ARL15: variants seen among roughly 807,000 people sequenced by gnomAD.
The protein encoded by ARL15 is ARF like GTPase 15.
In ARL15, 19 loss-of-function variants were observed where a neutral mutation model predicts 25.2. The observed-to-expected ratio is 0.75, with a 90% CI of 0.53 to 1.10. ARL15 has a LOEUF of 1.10. Among genes scored for constraint, ARL15 ranks in the 50% least tolerant of loss-of-function variants. The probability of loss-of-function intolerance (pLI) is 0.00; values close to 1 mark genes in which losing one functional copy is unlikely to be tolerated. For synonymous variants in ARL15, 94 were observed against 86.8 expected, an observed-to-expected ratio of 1.08 and a Z score of -0.46; for missense variants, 220 against 246.0, an observed-to-expected ratio of 0.89 and a Z score of 0.71.
At chr5:54,196,707 C>G (rs566403475) in intron 1 of ARL15, among the ~76,000 whole-genome samples, 1 of 152,134 alleles carries the variant, frequency 6.6e-6, no homozygotes, top group African/African-American at 2.4e-5. Flanking sequence ...ACATTCAGTG[C>G]TCTTTCTTCA....
chr5:53,899,136 C>T (rs1744971372), intron 4 of ARL15, among the ~76,000 whole-genome samples: 1 of 151,810 alleles, frequency 6.6e-6, no homozygotes, highest in Non-Finnish European at 1.5e-5. Context: ...AGCCTGAGGT[C>T]AGAAGTTTGA....
chr5:54,304,081 G>A (rs1374034455), intron 1 of ARL15, among the ~76,000 whole-genome samples: 1 of 152,184 alleles, frequency 6.6e-6, no homozygotes, highest in Non-Finnish European at 1.5e-5. Context: ...CATAGTAGTG[G>A]TCAAGGACCA....
chr5:54,029,315 C>CACCAACACCACCACCACT, intron 4 of ARL15, among the ~76,000 whole-genome samples: 1 of 115,758 alleles, frequency 8.6e-6, no homozygotes, highest in Non-Finnish European at 1.8e-5. Context: ...TTACCACCAC[C>CACCAACACCACCACCACT]ACCACCACCA....
chr5:54,265,880 G>A (rs752981172), intron 1 of ARL15, among the ~76,000 whole-genome samples: 2 of 152,280 alleles, frequency 1.3e-5, no homozygotes, highest in East Asian at 1.9e-4. Flanking sequence ...TATATATCAG[G>A]TTCCATATTA....
intron 4 of ARL15, among the ~76,000 whole-genome samples, chr5:54,045,876 G>A (rs1319949061): frequency 1.3e-5 from 2 of 152,180 alleles, no homozygotes; most frequent in African/African-American, 4.8e-5. Flanking sequence ...GAATAAAAGA[G>A]TAGTCACCTT....
chr5:54,087,251 C>A lies in ARL15; in HGVS notation c.462+25951G>T, dbSNP rs187364940. Among the ~76,000 whole-genome samples the A allele has an allele frequency of 6.2e-3, 939 of 152,130 alleles. 5 individuals carry two copies. Among genetic ancestry groups the A allele is most frequent in the Non-Finnish European group, 0.011 (721 of 68,004 alleles). ...GCTCAGGCATGAGAATGGTGTGAAT[C>A]CGGGAGGCGGAGCTTGCAGTGAACT... On this transcript the variant is annotated intron_variant, in intron 4 of 4. Transcript: ENST00000504924.
chr5:54,184,818 A>G (rs1755190797), intron 1 of ARL15, among the ~76,000 whole-genome samples: 1 of 152,112 alleles, frequency 6.6e-6, no homozygotes, highest in Admixed American at 6.6e-5. Flanking sequence ...CCTGGATCCC[A>G]GTGCCTTTCT....
intron 4 of ARL15, among the ~76,000 whole-genome samples, chr5:53,987,335 G>A (rs1748330346): frequency 6.6e-6 from 1 of 151,318 alleles, no homozygotes; most frequent in South Asian, 2.1e-4. Context: ...GGTGGGGAGG[G>A]GTGTCTTGTA....
chr5:54,021,569 TACTC>T (rs1346809144), intron 4 of ARL15, among the ~76,000 whole-genome samples: 1 of 152,052 alleles, frequency 6.6e-6, no homozygotes, highest in Non-Finnish European at 1.5e-5. Context: ...CAACAGAAAT[TACTC>T]AATCTGAACA....
intron 1 of ARL15, among the ~76,000 whole-genome samples, chr5:54,270,172 T>A (rs999287591): frequency 6.6e-6 from 1 of 152,198 alleles, no homozygotes; most frequent in Non-Finnish European, 1.5e-5. Context: ...CAGCTGACAA[T>A]TTGAGTATAT....
chr5:54,044,014 A>G (rs2111958296), intron 4 of ARL15, among the ~76,000 whole-genome samples: 1 of 152,118 alleles, frequency 6.6e-6, no homozygotes, highest in East Asian at 1.9e-4. Flanking sequence ...AAACAAACAA[A>G]AAACTCAGAA....
chr5:54,250,681 A>C (rs571519985), intron 1 of ARL15, among the ~76,000 whole-genome samples: 19 of 152,210 alleles, frequency 1.2e-4, no homozygotes, highest in Admixed American at 6.5e-4. Flanking sequence ...ACCAAAAAAA[A>C]CACCAAGAGC....
intron 4 of ARL15, among the ~76,000 whole-genome samples, chr5:53,980,261 A>G (rs1329691576): frequency 2.0e-5 from 3 of 152,224 alleles, no homozygotes; most frequent in Non-Finnish European, 4.4e-5. Context: ...TCATTCTTTT[A>G]AGTAGCATCA....
At chr5:54,271,604 C>CAT (rs1561290564) in intron 1 of ARL15, among the ~76,000 whole-genome samples, 3 of 152,028 alleles carry the variant, frequency 2.0e-5, no homozygotes, top group East Asian at 3.9e-4. Flanking sequence ...ATCTACTGAC[C>CAT]ATATATATAT....
intron 1 of ARL15, among the ~76,000 whole-genome samples, chr5:54,180,331 A>C (rs1328681948): frequency 2.0e-5 from 3 of 152,168 alleles, no homozygotes; most frequent in Non-Finnish European, 2.9e-5. Flanking sequence ...TTCTAGTTGT[A>C]AGAAGAGAAA....
chr5:53,950,439 C>G (rs187206503), intron 4 of ARL15, among the ~76,000 whole-genome samples: 2 of 152,110 alleles, frequency 1.3e-5, no homozygotes, highest in South Asian at 4.1e-4. Context: ...GGACTGGAGA[C>G]AGAGGGGGAA....
At chr5:54,106,111 C>T (rs992706580) in intron 4 of ARL15, among the ~76,000 whole-genome samples, 10 of 152,032 alleles carry the variant, frequency 6.6e-5, no homozygotes, top group East Asian at 3.9e-4. Context: ...AAAAAGTCCA[C>T]AAATAGACAA....
intron 4 of ARL15, among the ~76,000 whole-genome samples, chr5:54,080,039 A>T (rs1212003023): frequency 2.0e-5 from 3 of 151,484 alleles, no homozygotes; most frequent in African/African-American, 4.9e-5. Context: ...ATATTAATTT[A>T]ATCATTTAGT....
chr5:53,928,022 T>C (rs937458838), intron 4 of ARL15, among the ~76,000 whole-genome samples: 2 of 152,330 alleles, frequency 1.3e-5, no homozygotes, highest in Non-Finnish European at 2.9e-5. Flanking sequence ...TTTAGCTCAG[T>C]GCCTGGCAGG....
Sources: allele counts gnomAD v4.1 joint callset (sites outside exome capture counted in the v4.1 genomes callset), GRCh38; gene constraint gnomAD v4.1.1; transcripts MANE v1.5; gene names NCBI Gene and HGNC (gene_info 2026-07-23, HGNC 2026-07-21).